FBXO34: variants seen among roughly 807,000 people sequenced by gnomAD.
FBXO34 encodes F-box only protein 34.
In FBXO34, 12 loss-of-function variants were observed where a neutral mutation model predicts 24.5. The ratio of observed to expected loss-of-function variants is 0.49; its 90% CI spans 0.31 to 0.79. The LOEUF is 0.79. FBXO34 is among the 30% of genes least tolerant of loss of function. The pLI is 0.04. For synonymous variants in FBXO34, 320 were observed against 311.9 expected (o/e 1.03, Z -0.27); for missense variants, 823 against 857.7 (o/e 0.96, Z 0.51).
chr14:55,435,024 C>A, the FBXO34 span, among the ~76,000 whole-genome samples: 1 of 152,066 alleles, frequency 6.6e-6, no homozygotes, highest in African/African-American at 2.4e-5. Context: ...AAACAGGATG[C>A]CTGGCCTTGG....
At chr14:55,395,192 C>T in the FBXO34 span, 2 of 430,362 alleles carry the variant, frequency 4.6e-6, no homozygotes, top group Non-Finnish European at 9.5e-6. Context: ...TGGGCTCTTC[C>T]TCTGTGGCCC....
the FBXO34 span, chr14:55,413,508 T>G: frequency 3.7e-6 from 1 of 272,640 alleles, no homozygotes; most frequent in Non-Finnish European, 7.4e-6. Flanking sequence ...GCCACACTTC[T>G]CAATGAAGAG....
intron 1 of FBXO34, among the ~76,000 whole-genome samples, chr14:55,290,636 T>C (rs1360424154): frequency 6.6e-6 from 1 of 152,146 alleles, no homozygotes; most frequent in Non-Finnish European, 1.5e-5. Flanking sequence ...GGGCAGAGGT[T>C]CTATGTTACC....
downstream of FBXO34, among the ~76,000 whole-genome samples, chr14:55,370,997 GCAGCCAGGCTGCATGTCCTCC>G: frequency 6.6e-6 from 1 of 152,156 alleles, no homozygotes; most frequent in Non-Finnish European, 1.5e-5. Flanking sequence ...CTGCTCCAGG[GCAGCCAGGCTGCATGTCCTCC>G]CTGTAGGCAG....
chr14:55,365,002 C>T (rs988550162), downstream of FBXO34, among the ~76,000 whole-genome samples: 1 of 147,098 alleles, frequency 6.8e-6, no homozygotes, highest in Non-Finnish European at 1.5e-5. Flanking sequence ...GAGCAGATCA[C>T]GAGATCAGGA....
At chr14:55,420,971 G>A in the FBXO34 span, among the ~76,000 whole-genome samples, 1 of 148,898 alleles carries the variant, frequency 6.7e-6, no homozygotes, top group South Asian at 2.1e-4. Flanking sequence ...TGAGGCAGGA[G>A]AATGGCGTGA....
chr14:55,428,362 C>T, the FBXO34 span, among the ~76,000 whole-genome samples: 4 of 151,982 alleles, frequency 2.6e-5, no homozygotes, highest in African/African-American at 9.7e-5. Flanking sequence ...ATCTCCTGAC[C>T]TCGTGATCCG....
the FBXO34 span, among the ~76,000 whole-genome samples, chr14:55,385,541 C>T: frequency 2.1e-4 from 32 of 152,322 alleles, no homozygotes; most frequent in African/African-American, 7.0e-4. Context: ...GATTCGCCTG[C>T]CTCGGCCTCC....
the FBXO34 span, chr14:55,429,098 G>C: frequency 0.076 from 91,889 of 1,208,686 alleles, 3,830 homozygotes; most frequent in Non-Finnish European, 0.087. Flanking sequence ...GAAGCTGTAG[G>C]CTTTGTGAGG....
Position 55,351,749 on chromosome 14 carries a change from T to A in FBXO34, c.1359T>A (p.Ser453=), listed in dbSNP as rs910726341. 1.2e-6 allele frequency: 2 copies of A among 1,614,202 alleles called. No individual in the cohort carries two copies. Among genetic ancestry groups the A allele is most frequent in the Non-Finnish European group, 1.7e-6 (2 of 1,180,046 alleles). ...TSRNPDQRKE[S]LCISITVSKV... is the part of the protein sequence containing the mutation. ...GAAATCCTGATCAAAGAAAAGAATCTTTGTGCATTAGTATCACTGTGTCCA... is the reference window on the plus strand; with the variant it reads ...GAAATCCTGATCAAAGAAAAGAATCATTGTGCATTAGTATCACTGTGTCCA... The change falls in exon 2 of 2, where the codon TCT becomes TCA. Residue 453 remains serine, a synonymous_variant. Transcript: ENST00000313833.
the FBXO34 span, among the ~76,000 whole-genome samples, chr14:55,411,441 G>A: frequency 1.3e-5 from 2 of 152,222 alleles, no homozygotes; most frequent in Non-Finnish European, 2.9e-5. Flanking sequence ...CTGTCCTCTG[G>A]TAGCAAAGCT....
intron 1 of FBXO34, chr14:55,299,360 G>A (rs948179109): frequency 2.9e-6 from 1 of 339,408 alleles, no homozygotes; most frequent in Admixed American, 4.2e-5. Context: ...CTCGCTCTCT[G>A]CATAGCATGG....
chr14:55,271,976 CCAGCGCAGGTGAG>C (rs2139610216), intron 1 of FBXO34: 1 of 152,354 alleles, frequency 6.6e-6, no homozygotes, highest in East Asian at 1.9e-4. Flanking sequence ...CTTCCCTGCC[CCAGCGCAGGTGAG>C]CTGGCGCTTG....
At chr14:55,402,944 T>TATATATATATATAC in the FBXO34 span, among the ~76,000 whole-genome samples, 1 of 53,766 alleles carries the variant, frequency 1.9e-5, no homozygotes, top group Admixed American at 2.2e-4. Context: ...TATATATATA[T>TATATATATATATAC]ATATATATAT....
At chr14:55,371,745 A>C (rs1294133149), downstream of FBXO34, among the ~76,000 whole-genome samples, 1 of 151,886 alleles carries the variant, frequency 6.6e-6, no homozygotes, top group East Asian at 1.9e-4. Context: ...CGGAGCTTGC[A>C]GTGAGCCGAG....
chr14:55,411,835 G>C, the FBXO34 span: 4 of 1,575,530 alleles, frequency 2.5e-6, no homozygotes, highest in Non-Finnish European at 3.4e-6. Context: ...TGGCCTGAGA[G>C]GAGAGCCAGT....
intron 1 of FBXO34, among the ~76,000 whole-genome samples, chr14:55,336,875 C>CAT (rs1315974621): frequency 1.3e-5 from 2 of 151,418 alleles, no homozygotes; most frequent in African/African-American, 4.9e-5. Flanking sequence ...CACGCACACA[C>CAT]ACACACACAC....
At chr14:55,429,518 C>G in the FBXO34 span, among the ~76,000 whole-genome samples, 1 of 152,098 alleles carries the variant, frequency 6.6e-6, no homozygotes, top group Non-Finnish European at 1.5e-5. Context: ...AATCCCAGCA[C>G]TTTGGGAGGC....
chr14:55,343,501 G>A (rs1269743593), intron 1 of FBXO34, among the ~76,000 whole-genome samples: 5 of 151,954 alleles, frequency 3.3e-5, no homozygotes, highest in Non-Finnish European at 5.9e-5. Context: ...TGCCTGCCTC[G>A]GCCTCCCAAA....
Sources: gnomAD v4.1 joint callset for allele counts (sites outside exome capture counted in the v4.1 genomes callset) on GRCh38, gnomAD v4.1.1 for gene constraint, MANE v1.5 for transcripts, NCBI Gene and HGNC (gene_info 2026-07-23, HGNC 2026-07-21) for gene names.